The following RELN variants were observed in gnomAD, a reference collection of about 807,000 sequenced individuals.
RELN encodes reelin.
A neutral mutation model predicts 427.6 loss-of-function variants in RELN; 108 were observed. The ratio of observed to expected loss-of-function variants is 0.25; its 90% CI spans 0.22 to 0.30. RELN has a LOEUF of 0.30. RELN is among the 10% of genes least tolerant of loss of function. The pLI is 1.00. For synonymous variants in RELN, 1,524 were observed against 1,513.4 expected (o/e 1.01, Z -0.16); for missense variants, 3,715 against 4,302.8 (o/e 0.86, Z 3.82).
chr7:103,636,929 A>C (rs1320181671), intron 17 of RELN, among the ~76,000 whole-genome samples: 1 of 152,220 alleles, frequency 6.6e-6, no homozygotes, highest in African/African-American at 2.4e-5. Flanking sequence ...TTTAGAAACT[A>C]TTGGAAAATG....
intron 58 of RELN, 93 bp downstream of exon 58, chr7:103,491,852 TCTCTCACA>T (rs1278829307): frequency 1.2e-4 from 53 of 439,620 alleles, no homozygotes; most frequent in East Asian, 3.5e-4. Flanking sequence ...TCTCTCTCTC[TCTCTCACA>T]CACACACACA....
chr7:103,853,099 T>A (rs1386858543), intron 2 of RELN, among the ~76,000 whole-genome samples: 1 of 152,042 alleles, frequency 6.6e-6, no homozygotes, highest in Non-Finnish European at 1.5e-5. Flanking sequence ...ACAAATGTAG[T>A]CTCAGAAATT....
At chr7:103,731,629 T>A (rs1276172496) in intron 6 of RELN, among the ~76,000 whole-genome samples, 2 of 152,048 alleles carry the variant, frequency 1.3e-5, no homozygotes, top group African/African-American at 2.4e-5. Context: ...ATGTGGCAAA[T>A]CCAACTTTTA....
At chr7:103,955,920 G>GT (rs556294670) in intron 1 of RELN, among the ~76,000 whole-genome samples, 3 of 152,304 alleles carry the variant, frequency 2.0e-5, no homozygotes, top group African/African-American at 7.2e-5. Flanking sequence ...CCTAAGGTAT[G>GT]TATCAGATCG....
At chr7:103,652,488 T>C (rs1284700873) in intron 14 of RELN, 63 bp downstream of exon 14, 1 of 1,344,854 alleles carries the variant, frequency 7.4e-7, no homozygotes, top group Admixed American at 1.7e-5. Flanking sequence ...CTACCTCTTA[T>C]TTAATAGCCA....
chr7:103,630,857 T>TG (rs750645048), intron 19 of RELN, among the ~76,000 whole-genome samples: 2,945 of 87,670 alleles, frequency 0.034, 90 homozygotes, highest in African/African-American at 0.1. Flanking sequence ...TTTTGTTTTT[T>TG]TTGTTTTTTT....
intron 1 of RELN, among the ~76,000 whole-genome samples, chr7:103,949,022 CAAAAAAA>C (rs66678362): frequency 5.6e-5 from 5 of 88,866 alleles, no homozygotes; most frequent in Non-Finnish European, 1.1e-4. Context: ...ACATTGTCTC[CAAAAAAA>C]AAAAAAAAAA....
intron 8 of RELN, among the ~76,000 whole-genome samples, chr7:103,704,150 CAAAT>C (rs1163382302): frequency 6.6e-6 from 1 of 152,070 alleles, no homozygotes; most frequent in African/African-American, 2.4e-5. Flanking sequence ...TTTAAATTGA[CAAAT>C]AAGTTGGTAA....
At chr7:103,540,584 CCAAAG>C (rs772673852) in intron 43 of RELN, 129 bp from the exon 44 acceptor site, 16 of 775,726 alleles carry the variant, frequency 2.1e-5, no homozygotes, top group Admixed American at 8.7e-5. Flanking sequence ...TAATGAGTGT[CCAAAG>C]CAATCACTTC....
Position 103,554,569 on chromosome 7 carries a change from C to CAAAA in RELN, c.5798-742_5798-739dup, listed in dbSNP as rs56319660. Among the ~76,000 whole-genome samples the CAAAA allele has an allele frequency of 8.4e-3, 868 of 102,866 alleles. 20 individuals are homozygous for CAAAA. Among genetic ancestry groups the CAAAA allele is most frequent in the East Asian group, 0.023 (82 of 3,588 alleles). 67.5% of individuals were successfully genotyped at this position (102,866 alleles called of 152,430 possible). ...TGGGCAACAGAGCAAGATGCTGTCT[C>CAAAA]AAAAAAAAAAAAAAAAAAAGTGAAA... On this transcript the variant is annotated intron_variant, in intron 38 of 64. Transcript: ENST00000428762.
chr7:103,581,796 C>A (rs977498207), intron 28 of RELN, among the ~76,000 whole-genome samples: 1 of 151,956 alleles, frequency 6.6e-6, no homozygotes, highest in African/African-American at 2.4e-5. Context: ...CTGGAGCCCG[C>A]CGAACTGAAA....
intron 1 of RELN, among the ~76,000 whole-genome samples, chr7:103,927,787 A>C (rs1340476250): frequency 6.6e-6 from 1 of 152,180 alleles, no homozygotes; most frequent in African/African-American, 2.4e-5. Context: ...TCCAAGGATA[A>C]GGATGAAGAA....
chr7:103,730,800 T>G (rs928327259), intron 6 of RELN, among the ~76,000 whole-genome samples: 1 of 152,172 alleles, frequency 6.6e-6, no homozygotes, highest in Admixed American at 6.6e-5. Flanking sequence ...TGACTGGGTT[T>G]GTCAACATAA....
At chr7:103,489,046 CA>C (rs1562845743) in intron 60 of RELN, among the ~76,000 whole-genome samples, 1 of 152,128 alleles carries the variant, frequency 6.6e-6, no homozygotes, top group African/African-American at 2.4e-5. Context: ...CTGTTAGAAA[CA>C]TTGGATCAAA....
At chr7:103,948,769 T>G (rs1228728718) in intron 1 of RELN, among the ~76,000 whole-genome samples, 3 of 152,014 alleles carry the variant, frequency 2.0e-5, no homozygotes, top group Non-Finnish European at 4.4e-5. Context: ...ATCCTGGCAT[T>G]TTGGGAGGCC....
intron 2 of RELN, among the ~76,000 whole-genome samples, chr7:103,858,310 G>T (rs1224826136): frequency 2.0e-5 from 3 of 152,146 alleles, no homozygotes; most frequent in Non-Finnish European, 1.5e-5. Context: ...GGTTAAATAA[G>T]TCAGTATAAG....
chr7:103,842,271 AC>A (rs1486446184), intron 2 of RELN, among the ~76,000 whole-genome samples: 1 of 152,026 alleles, frequency 6.6e-6, no homozygotes, highest in Non-Finnish European at 1.5e-5. Flanking sequence ...AAAAAAAAAA[AC>A]ACAGACTGTT....
At chr7:103,585,479 T>C (rs1372478146) in intron 28 of RELN, among the ~76,000 whole-genome samples, 1 of 152,064 alleles carries the variant, frequency 6.6e-6, no homozygotes, top group Non-Finnish European at 1.5e-5. Flanking sequence ...CCTGGAAACA[T>C]ACAACCTCCC....
chr7:103,540,389 C>T lies in RELN; in HGVS notation c.6738G>A (p.Val2246=). The stretch of plus-strand genomic sequence containing the variant: ...CACCGTTGAGAGAATACTGTAGGAG[C>T]ACGGGTTGACTCCTGGGGTCAGGAA... ...KGVPDPRSQP[V]LLQYSLNGGL... Residue 2246 remains valine (V), a synonymous_variant, in exon 44 of 65, where the codon GTG becomes GTA. Transcript: ENST00000428762. 1 of 1,614,054 alleles carries T rather than the reference C, an allele frequency of 6.2e-7. No homozygotes were observed. The highest frequency in any genetic ancestry group is 8.5e-7 in the Non-Finnish European group (1 of 1,179,934).
Sources: allele counts gnomAD v4.1 joint callset (sites outside exome capture counted in the v4.1 genomes callset), GRCh38; gene constraint gnomAD v4.1.1; transcripts MANE v1.5; gene names NCBI Gene and HGNC (gene_info 2026-07-23, HGNC 2026-07-21).